Variants in TBCK observed in about 807,000 individuals in gnomAD.
TBCK encodes the protein TBC domain-containing protein kinase-like protein.
A neutral mutation model predicts 113.4 loss-of-function variants in TBCK; 99 were observed. The observed-to-expected ratio is 0.87, with a 90% CI of 0.74 to 1.03. The LOEUF is 1.03. Among genes scored for constraint, TBCK ranks in the 50% least tolerant of loss-of-function variants. The pLI is 0.00. For synonymous variants in TBCK, 369 were observed against 370.8 expected (o/e 1.00, Z 0.05); for missense variants, 1,045 against 1,061.3 (o/e 0.98, Z 0.21).
intron 19 of TBCK, among the ~76,000 whole-genome samples, chr4:106,219,297 C>G (rs530295461): frequency 0.017 from 2,522 of 150,688 alleles, 60 homozygotes; most frequent in African/African-American, 0.057. Context: ...GTGCAGCACA[C>G]CAGCATGGCA....
At chr4:106,072,307 T>C (rs1487046741) in intron 25 of TBCK, among the ~76,000 whole-genome samples, 2 of 152,224 alleles carry the variant, frequency 1.3e-5, no homozygotes, top group African/African-American at 2.4e-5. Flanking sequence ...ACAAAATCTC[T>C]CAGCATTTGC....
intron 12 of TBCK, among the ~76,000 whole-genome samples, chr4:106,239,828 TAA>T (rs141167151): frequency 0.14 from 21,380 of 151,708 alleles, 1,678 homozygotes; most frequent in South Asian, 0.25. Flanking sequence ...TGTAATCATA[TAA>T]AGTCTTTCAG....
rs898549845 is a variant in TBCK, at chr4:106,045,063, T to C, written c.*1507A>G. ...GAAATGGGAATGTATCTTTCTTTTT[T>C]TTTTTTTTTTTGAGATGGCAGGGTG... On this transcript the variant is annotated 3_prime_UTR_variant, in exon 26 of 26. Transcript: ENST00000394708. The C allele has an allele frequency of 6.6e-6, 1 of 151,048 alleles. No homozygotes were observed. The highest frequency in any genetic ancestry group is 6.6e-5 in the Admixed American group (1 of 15,220). The allele number at this position is 151,048 out of a possible 1,614,324, so 9.4% of individuals were successfully genotyped here. A position where few individuals can be genotyped will look rare whatever the true frequency, so the allele number is the denominator to read the frequency against.
rs958174889 is a variant in TBCK, at chr4:106,197,432, T to A, written c.1861-2678A>T. Among the ~76,000 whole-genome samples, 27 of 146,476 alleles carry A rather than the reference T, an allele frequency of 1.8e-4. 1 individual carries two copies. Among genetic ancestry groups the A allele is most frequent in the African/African-American group, 2.0e-4 (8 of 39,844 alleles). On this transcript the variant is annotated intron_variant, in intron 20 of 25. Transcript: ENST00000394708. ...GTGTGTATATATATATATATATATATAATACAAAGTAGGGCAGAAACCACT... is the reference window on the plus strand; with the variant it reads ...GTGTGTATATATATATATATATATAAAATACAAAGTAGGGCAGAAACCACT...
chr4:106,118,620 GATAAA>G (rs2149577091), intron 23 of TBCK, among the ~76,000 whole-genome samples: 1 of 152,244 alleles, frequency 6.6e-6, no homozygotes, highest in South Asian at 2.1e-4. Context: ...CATTTATGAA[GATAAA>G]ATAAAGAACT....
At chr4:106,113,095 AC>A (rs1213085113) in intron 24 of TBCK, among the ~76,000 whole-genome samples, 43 of 152,336 alleles carry the variant, frequency 2.8e-4, no homozygotes, top group South Asian at 1.2e-3. Context: ...TGGAGAGTCC[AC>A]CCGATATGTC....
At chr4:106,267,165 A>G (rs1763064798) in intron 3 of TBCK, among the ~76,000 whole-genome samples, 1 of 151,956 alleles carries the variant, frequency 6.6e-6, no homozygotes, top group Non-Finnish European at 1.5e-5. Context: ...TTCAGTAATT[A>G]TTGTTACTTC....
At chr4:106,126,879 T>C (rs1745277744) in intron 23 of TBCK, among the ~76,000 whole-genome samples, 1 of 152,214 alleles carries the variant, frequency 6.6e-6, no homozygotes, top group Non-Finnish European at 1.5e-5. Context: ...TGACAGTTGC[T>C]ACCATTTAAA....
rs1318172840 is a variant in TBCK, at chr4:106,190,174, A to AAC, written c.2059+3434_2059+3435insGT. 1.4e-4 allele frequency among the ~76,000 whole-genome samples: 22 copies of AAC among 152,288 alleles called. No homozygotes were observed. The East Asian group carries it at 3.5e-3, about 24-fold the overall frequency. On this transcript the variant is annotated intron_variant, in intron 22 of 25. Transcript: ENST00000394708. Reference sequence around the variant, plus strand: ...AATCTAAGCCACTGTTTATAATGGAAAGATTACACATAAATCTTACAGTAA... The same window carrying AAC: ...AATCTAAGCCACTGTTTATAATGGAAACAGATTACACATAAATCTTACAGTAA...
chr4:106,270,523 T>G (rs916150877), intron 3 of TBCK, among the ~76,000 whole-genome samples: 2 of 152,200 alleles, frequency 1.3e-5, no homozygotes, highest in Non-Finnish European at 2.9e-5. Flanking sequence ...TCATGGCATA[T>G]AGTGGGTTAA....
intron 7 of TBCK, among the ~76,000 whole-genome samples, chr4:106,249,256 GCTCT>G (rs1304041350): frequency 6.6e-6 from 1 of 152,118 alleles, no homozygotes. Flanking sequence ...AGATACTCTA[GCTCT>G]CTCTGTCTCT....
chr4:106,169,031 GTAT>G (rs972907891), intron 23 of TBCK, among the ~76,000 whole-genome samples: 3 of 151,966 alleles, frequency 2.0e-5, no homozygotes, highest in Admixed American at 2.0e-4. Flanking sequence ...CAATCAGTAA[GTAT>G]AATGCAAATA....
At chr4:106,141,910 T>C (rs1747184672) in intron 23 of TBCK, among the ~76,000 whole-genome samples, 1 of 140,760 alleles carries the variant, frequency 7.1e-6, no homozygotes, top group African/African-American at 2.5e-5. Context: ...ACCAAACACA[T>C]GGTATAATTA....
Position 106,230,901 on chromosome 4 carries a change from T to C in TBCK, c.1691-455A>G, listed in dbSNP as rs573367590. 5.1e-4 allele frequency among the ~76,000 whole-genome samples: 78 copies of C among 151,982 alleles called. 3 individuals are homozygous for C. The South Asian group carries it at 0.016, about 31-fold the overall frequency. The stretch of plus-strand genomic sequence containing the variant: ...ATGTTTGGGTCAGTATGAGTGATCA[T>C]TGGCTATGCCTAACTAAACATAGTA... On this transcript the variant is annotated intron_variant, in intron 18 of 25. Transcript: ENST00000394708.
chr4:106,069,741 G>A (rs1483632793), intron 25 of TBCK, among the ~76,000 whole-genome samples: 1 of 152,158 alleles, frequency 6.6e-6, no homozygotes, highest in Non-Finnish European at 1.5e-5. Flanking sequence ...GGGCAGTATG[G>A]CCATTTTCAC....
rs371511501 is a variant in TBCK at position 106,205,370 on chromosome 4, GAT to G, written c.1860+7378_1860+7379del. Among the ~76,000 whole-genome samples the G allele has an allele frequency of 2.2e-3, 328 of 152,168 alleles. 2 individuals are homozygous for G. Among genetic ancestry groups the G allele is most frequent in the African/African-American group, 6.9e-3 (286 of 41,524 alleles). ...AGTAAAAGAGCCATCTAAATTGCAA[GAT>G]AGAGTGATGGATTTTAGTATAACAG... On this transcript the variant is annotated intron_variant, in intron 20 of 25. Transcript: ENST00000394708.
At chr4:106,178,682 T>A (rs1305434108) in intron 22 of TBCK, among the ~76,000 whole-genome samples, 1 of 152,044 alleles carries the variant, frequency 6.6e-6, no homozygotes, top group East Asian at 1.9e-4. Context: ...CCATGGTGAA[T>A]GATTTTTTTA....
chr4:106,300,903 C>G (rs1766866246), intron 2 of TBCK, among the ~76,000 whole-genome samples: 1 of 152,054 alleles, frequency 6.6e-6, no homozygotes. Context: ...GAGTTCAAGA[C>G]CAGCTTGGGC....
At chr4:106,281,660 A>C (rs1168254747) in intron 3 of TBCK, among the ~76,000 whole-genome samples, 1 of 152,132 alleles carries the variant, frequency 6.6e-6, no homozygotes, top group Non-Finnish European at 1.5e-5. Flanking sequence ...TTTCAGCATG[A>C]ATTGAAAGGA....
Sources: allele counts gnomAD v4.1 joint callset (sites outside exome capture counted in the v4.1 genomes callset), GRCh38; gene constraint gnomAD v4.1.1; transcripts MANE v1.5; gene names NCBI Gene and HGNC (gene_info 2026-07-23, HGNC 2026-07-21).